Variants in MSI2 observed in about 807,000 individuals in gnomAD.
The protein encoded by MSI2 is musashi RNA binding protein 2.
MSI2 carries 17 observed loss-of-function variants against 45.6 expected under a neutral mutation model. The observed-to-expected ratio is 0.37, with a 90% CI of 0.26 to 0.56. The LOEUF is 0.56. MSI2 is among the 20% of genes least tolerant of loss of function. The pLI is 0.77. For synonymous variants in MSI2, 156 were observed against 158.2 expected (o/e 0.99, Z 0.11); for missense variants, 293 against 444.2 (o/e 0.66, Z 3.06).
At chr17:57,597,526 C>T (rs1407660602) in intron 8 of MSI2, among the ~76,000 whole-genome samples, 8 of 150,278 alleles carry the variant, frequency 5.3e-5, no homozygotes, top group Middle Eastern at 3.5e-3. Context: ...CCCACCTACT[C>T]GAGGTGAGAG....
At chr17:57,419,450 C>T (rs895653773) in intron 6 of MSI2, among the ~76,000 whole-genome samples, 33 of 152,054 alleles carry the variant, frequency 2.2e-4, no homozygotes, top group Non-Finnish European at 4.0e-4. Flanking sequence ...GCAACCTCCG[C>T]CTCCCAGGTT....
At chr17:57,614,828 A>G (rs965181311) in intron 8 of MSI2, among the ~76,000 whole-genome samples, 1 of 152,184 alleles carries the variant, frequency 6.6e-6, no homozygotes, top group Non-Finnish European at 1.5e-5. Context: ...TATAGTTCGC[A>G]TAGTTAAGGT....
At chr17:57,423,841 T>C (rs140963193) in intron 6 of MSI2, among the ~76,000 whole-genome samples, 73 of 152,266 alleles carry the variant, frequency 4.8e-4, no homozygotes, top group African/African-American at 1.7e-3. Context: ...CACAAAGACA[T>C]GTGGCGCAGC....
chr17:57,442,642 C>T (rs994593457), intron 6 of MSI2, among the ~76,000 whole-genome samples: 1 of 152,098 alleles, frequency 6.6e-6, no homozygotes, highest in Non-Finnish European at 1.5e-5. Context: ...TTCTGTTGCC[C>T]AAGATGAGAC....
At chr17:57,618,122 C>T (rs986383233) in intron 9 of MSI2, 3 of 148,784 alleles carry the variant, frequency 2.0e-5, no homozygotes, top group Non-Finnish European at 4.5e-5. Flanking sequence ...GGTGTGGTGG[C>T]GTGCACCTAT....
At chr17:57,597,053 G>A (rs943681757) in intron 8 of MSI2, 103 bp downstream of exon 8, 1 of 800,470 alleles carries the variant, frequency 1.2e-6, no homozygotes, top group Non-Finnish European at 2.1e-6. Flanking sequence ...GAGTGGGCAG[G>A]GGTGGGGAGG....
intron 7 of MSI2, among the ~76,000 whole-genome samples, chr17:57,579,093 C>T (rs557033552): frequency 3.3e-5 from 5 of 152,096 alleles, no homozygotes; most frequent in Non-Finnish European, 7.4e-5. Context: ...AACATTAGAG[C>T]ATATGGTATG....
At chr17:57,472,297 G>T (rs536570954) in intron 6 of MSI2, among the ~76,000 whole-genome samples, 1 of 152,318 alleles carries the variant, frequency 6.6e-6, no homozygotes, top group South Asian at 2.1e-4. Context: ...TCAGTCCAGG[G>T]ACCGGCCTCC....
chr17:57,438,188 G>T (rs975825884), intron 6 of MSI2, among the ~76,000 whole-genome samples: 1 of 152,162 alleles, frequency 6.6e-6, no homozygotes, highest in Admixed American at 6.5e-5. Context: ...GGCTGGGGAC[G>T]TGCCCAGAGG....
intron 6 of MSI2, among the ~76,000 whole-genome samples, chr17:57,420,914 A>G (rs1054989606): frequency 6.6e-6 from 1 of 152,232 alleles, no homozygotes; most frequent in African/African-American, 2.4e-5. Flanking sequence ...TCGCCGCTTT[A>G]ATGATAACAA....
intron 8 of MSI2, among the ~76,000 whole-genome samples, chr17:57,615,638 A>T (rs542935164): frequency 7.2e-5 from 11 of 152,338 alleles, no homozygotes; most frequent in African/African-American, 2.2e-4. Flanking sequence ...ATTCACAGAC[A>T]CATCCAACAG....
At chr17:57,526,243 GA>G (rs2086692908) in intron 6 of MSI2, among the ~76,000 whole-genome samples, 1 of 151,912 alleles carries the variant, frequency 6.6e-6, no homozygotes, top group Non-Finnish European at 1.5e-5. Context: ...AAAGAAAAAA[GA>G]AAAACTCCTG....
At chr17:57,310,297 G>GAGCTC (rs1912277422) in intron 5 of MSI2, among the ~76,000 whole-genome samples, 1 of 152,082 alleles carries the variant, frequency 6.6e-6, no homozygotes, top group African/African-American at 2.4e-5. Flanking sequence ...CCTGAGAGCA[G>GAGCTC]AGCTCAGTGG....
intron 6 of MSI2, among the ~76,000 whole-genome samples, chr17:57,513,658 C>T (rs1001028699): frequency 5.3e-5 from 8 of 152,210 alleles, no homozygotes; most frequent in East Asian, 1.9e-4. Flanking sequence ...GCAGTTAGGG[C>T]GGAGGGGCTC....
chr17:57,269,220 T>C (rs2143260480), intron 5 of MSI2, among the ~76,000 whole-genome samples: 1 of 152,080 alleles, frequency 6.6e-6, no homozygotes, highest in South Asian at 2.1e-4. Context: ...TGCTGCAGAG[T>C]GGCCTGGCAT....
intron 6 of MSI2, among the ~76,000 whole-genome samples, chr17:57,518,452 G>C (rs1049487440): frequency 6.6e-6 from 1 of 152,170 alleles, no homozygotes; most frequent in African/African-American, 2.4e-5. Context: ...ATATCAGCCC[G>C]TATTAGGACA....
Position 57,667,490 on chromosome 17 carries a change from C to A in MSI2, c.791-7482C>A, listed in dbSNP as rs146763452. ...AAGCCTGGCAGATAGTTCACACAAG[C>A]AGGACAAGCCCCGTGCCAATGCCAG... On this transcript the variant is annotated intron_variant, in intron 11 of 13. Transcript: ENST00000284073. 1.1e-3 allele frequency among the ~76,000 whole-genome samples: 165 copies of A among 152,240 alleles called. 1 individual carries two copies. The highest frequency in any genetic ancestry group is 3.8e-3 in the African/African-American group (156 of 41,540).
At chr17:57,445,926 G>C (rs942346844) in intron 6 of MSI2, among the ~76,000 whole-genome samples, 1 of 152,154 alleles carries the variant, frequency 6.6e-6, no homozygotes, top group Non-Finnish European at 1.5e-5. Flanking sequence ...GTTGATTCAC[G>C]AGACAAATGT....
chr17:57,308,093 C>T (rs973044705), intron 5 of MSI2, among the ~76,000 whole-genome samples: 2 of 152,180 alleles, frequency 1.3e-5, no homozygotes, highest in African/African-American at 4.8e-5. Context: ...AGTTGGAGTC[C>T]TGGCCCCACC....
Sources: allele counts gnomAD v4.1 joint callset (sites outside exome capture counted in the v4.1 genomes callset), GRCh38; gene constraint gnomAD v4.1.1; transcripts MANE v1.5; gene names NCBI Gene and HGNC (gene_info 2026-07-23, HGNC 2026-07-21).